The following SNX18 variants were observed in gnomAD, a reference collection of about 807,000 sequenced individuals.
SNX18 encodes the protein sorting nexin-18.
A neutral mutation model predicts 48.7 loss-of-function variants in SNX18; 35 were observed. That is an observed-to-expected ratio of 0.72 (90% CI 0.55 to 0.95). The LOEUF is 0.95. Among genes scored for constraint, SNX18 ranks in the 40% least tolerant of loss-of-function variants. SNX18 has a pLI of 0.00. For missense variants in SNX18, 824 were observed against 871.0 expected (o/e 0.95, Z 0.68); for synonymous variants, 492 against 384.7 (o/e 1.28, Z -3.26).
intron 1 of SNX18, among the ~76,000 whole-genome samples, chr5:54,521,488 C>G (rs1762032181): frequency 6.6e-6 from 1 of 152,050 alleles, no homozygotes; most frequent in African/African-American, 2.4e-5. Flanking sequence ...TGCCTTAAGG[C>G]CAGGAGTTCG....
At chr5:54,574,347 C>T in the SNX18 span, among the ~76,000 whole-genome samples, 3 of 152,150 alleles carry the variant, frequency 2.0e-5, no homozygotes, top group African/African-American at 7.2e-5. Context: ...CACTTAGATC[C>T]CGGAGTGGGC....
At chr5:54,637,215 AG>A in the SNX18 span, among the ~76,000 whole-genome samples, 1 of 152,206 alleles carries the variant, frequency 6.6e-6, no homozygotes, top group African/African-American at 2.4e-5. Context: ...ATCAGAATGG[AG>A]AGAAGAATTT....
the SNX18 span, among the ~76,000 whole-genome samples, chr5:54,574,798 C>T: frequency 3.3e-5 from 5 of 152,196 alleles, no homozygotes; most frequent in African/African-American, 1.2e-4. Flanking sequence ...GGGCTGGAAC[C>T]ACCAGGGCTG....
chr5:54,623,137 A>G, the SNX18 span, among the ~76,000 whole-genome samples: 21 of 152,256 alleles, frequency 1.4e-4, no homozygotes, highest in African/African-American at 5.1e-4. Flanking sequence ...CTTACGTGAG[A>G]ACTGGAGGGT....
chr5:54,638,037 C>T, the SNX18 span, among the ~76,000 whole-genome samples: 1 of 152,228 alleles, frequency 6.6e-6, no homozygotes, highest in Non-Finnish European at 1.5e-5. Flanking sequence ...ATTTCAAAAT[C>T]TCTGTACAAA....
the SNX18 span, among the ~76,000 whole-genome samples, chr5:54,556,781 A>G: frequency 6.6e-6 from 1 of 152,142 alleles, no homozygotes; most frequent in Admixed American, 6.5e-5. Flanking sequence ...ATGCACAAAA[A>G]ACTTCAACTG....
In SNX18 at chr5:54,519,212, C is replaced by T. The variant is rs755741471; in HGVS notation, c.1260C>T (p.Asp420=). The change falls in exon 1 of 2, where the codon GAC becomes GAT. Residue 420 remains aspartate (D), a synonymous_variant. Transcript: ENST00000381410. ...TLSTPPAAAL[D]LQEVESKIDG... ...GCACGCCCCCCGCCGCTGCCCTTGA[C>T]CTGCAGGAGGTGGAGAGCAAGATCG... The T allele has an allele frequency of 6.2e-6, 10 of 1,614,116 alleles. No individual in the cohort carries two copies. Among genetic ancestry groups the T allele is most frequent in the Non-Finnish European group, 8.5e-6 (10 of 1,180,018 alleles).
intron 1 of SNX18, among the ~76,000 whole-genome samples, chr5:54,524,596 G>T (rs544083138): frequency 6.6e-6 from 1 of 152,180 alleles, no homozygotes; most frequent in African/African-American, 2.4e-5. Flanking sequence ...ATTACCCCAT[G>T]TATTTTTAAA....
the SNX18 span, among the ~76,000 whole-genome samples, chr5:54,585,579 G>C: frequency 6.6e-6 from 1 of 152,062 alleles, no homozygotes; most frequent in Non-Finnish European, 1.5e-5. Flanking sequence ...TGATTTGCTG[G>C]GCCCAGCTTG....
At chr5:54,630,693 G>T in the SNX18 span, among the ~76,000 whole-genome samples, 12,978 of 152,128 alleles carry the variant, frequency 0.085, 633 homozygotes, top group African/African-American at 0.13. Context: ...AATTAGCCGG[G>T]CATGGTGGCA....
downstream of SNX18, among the ~76,000 whole-genome samples, chr5:54,549,630 A>G (rs1762623443): frequency 6.6e-6 from 1 of 152,238 alleles, no homozygotes; most frequent in African/African-American, 2.4e-5. Flanking sequence ...AGCTCTAACT[A>G]GGAAGATCTG....
At chr5:54,639,191 G>A in the SNX18 span, among the ~76,000 whole-genome samples, 25,435 of 144,622 alleles carry the variant, frequency 0.18, 2,881 homozygotes, top group African/African-American at 0.36. Flanking sequence ...GTAGGCCACC[G>A]AATGCTCTCC....
Position 54,518,526 on chromosome 5 carries a change from C to T in SNX18, c.574C>T (p.Arg192Cys). Residue 192 changes from arginine (R) to cysteine (C), a missense_variant, in exon 1 of 2, where the codon CGC becomes TGC. This residue lies in a region of SNX18 where 377 missense variants were observed against 350.6 expected (regional missense o/e 1.08). Transcript: ENST00000381410. ...SSSAGVGAAGRYRLSTRSDLS... is the reference protein window; with the variant it reads ...SSSAGVGAAGCYRLSTRSDLS... ...TTCGGCGGGTGTGGGCGCAGCCGGCCGCTACCGCCTGTCCACGCGCTCCGA... is the reference window on the plus strand; with the variant it reads ...TTCGGCGGGTGTGGGCGCAGCCGGCTGCTACCGCCTGTCCACGCGCTCCGA... 2.6e-6 allele frequency: 4 copies of T among 1,563,182 alleles called. No individual in the cohort carries two copies. Among genetic ancestry groups the T allele is most frequent in the African/African-American group, 1.4e-5 (1 of 73,750 alleles).
the SNX18 span, among the ~76,000 whole-genome samples, chr5:54,560,032 TG>T: frequency 1.3e-5 from 2 of 152,172 alleles, no homozygotes; most frequent in African/African-American, 4.8e-5. Context: ...TCAGTGGGAA[TG>T]TAAATTAGTT....
chr5:54,525,976 A>C (rs910941030), intron 1 of SNX18, among the ~76,000 whole-genome samples: 1 of 152,178 alleles, frequency 6.6e-6, no homozygotes, highest in African/African-American at 2.4e-5. Context: ...GGAACTTCGA[A>C]TGTAAAAGTG....
At chr5:54,614,173 T>C in the SNX18 span, among the ~76,000 whole-genome samples, 2 of 152,204 alleles carry the variant, frequency 1.3e-5, no homozygotes, top group East Asian at 1.9e-4. Context: ...TGCCAGCCCA[T>C]TGGCCATCAT....
chr5:54,535,691 T>C (rs1210511282), intron 1 of SNX18, among the ~76,000 whole-genome samples: 1 of 152,126 alleles, frequency 6.6e-6, no homozygotes, highest in Non-Finnish European at 1.5e-5. Flanking sequence ...TGCCATGAAT[T>C]AGCTGTGGGA....
the SNX18 span, among the ~76,000 whole-genome samples, chr5:54,607,827 A>C: frequency 2.0e-5 from 3 of 152,080 alleles, no homozygotes; most frequent in Non-Finnish European, 4.4e-5. Flanking sequence ...CCAGTTACTC[A>C]GGAGGCTGAG....
the SNX18 span, among the ~76,000 whole-genome samples, chr5:54,612,999 T>G: frequency 1.3e-5 from 2 of 152,242 alleles, no homozygotes; most frequent in African/African-American, 4.8e-5. Flanking sequence ...TCTTGTGTGT[T>G]AAACATTCCT....
Sources: allele counts gnomAD v4.1 joint callset (sites outside exome capture counted in the v4.1 genomes callset), GRCh38; gene constraint gnomAD v4.1.1; regional missense constraint gnomAD v4.1.1; transcripts MANE v1.5; gene names NCBI Gene and HGNC (gene_info 2026-07-23, HGNC 2026-07-21).